RHOBTB2: variants seen among roughly 807,000 people sequenced by gnomAD.
RHOBTB2 encodes the protein rho-related BTB domain-containing protein 2.
Under a neutral mutation model 66.5 loss-of-function variants are expected in RHOBTB2, and 39 were observed. The observed-to-expected ratio is 0.59, with a 90% CI of 0.45 to 0.77. The LOEUF (loss-of-function observed/expected upper bound fraction) is 0.77. Ranked by LOEUF, RHOBTB2 falls within the 30% of genes least tolerant of loss-of-function variation. The pLI, the probability that RHOBTB2 is intolerant of heterozygous loss-of-function variation, is 0.00. For synonymous variants in RHOBTB2, 390 were observed against 395.0 expected (o/e 0.99, Z 0.15); for missense variants, 755 against 999.1 (o/e 0.76, Z 3.29).
the RHOBTB2 span, among the ~76,000 whole-genome samples, chr8:22,952,718 C>A: frequency 6.6e-6 from 1 of 152,068 alleles, no homozygotes; most frequent in Non-Finnish European, 1.5e-5. Context: ...CCAGCCTGAC[C>A]AATGTGGTGA....
chr8:23,004,929 T>G lies in RHOBTB2; in HGVS notation c.192+303T>G. 2.1e-6 allele frequency: 1 copy of G among 474,364 alleles called. No individual in the cohort carries two copies. Among genetic ancestry groups the G allele is most frequent in the Non-Finnish European group, 3.9e-6 (1 of 259,588 alleles). The allele number at this position is 474,364 out of a possible 1,614,324, so 29.4% of individuals were successfully genotyped here. On this transcript the variant is annotated intron_variant, in intron 2 of 9. Transcript: ENST00000251822. The surrounding 1 kb of genome is among the most constrained non-coding windows in gnomAD (Gnocchi z 6.4). ...TAAGTAATGGGGAGCACTGGAGGGC[T>G]GGGGCTTGGAAGAGATACAAGCTGA...
In RHOBTB2 at chr8:23,004,719, G is replaced by T. The variant is rs1046970541; in HGVS notation, c.192+93G>T. The T allele has an allele frequency of 1.7e-5, 22 of 1,268,226 alleles. No homozygotes were observed. In the Admixed American group the frequency reaches 4.4e-4, roughly 25 times the overall value. The allele number at this position is 1,268,226 out of a possible 1,614,324, so 78.6% of individuals were successfully genotyped here. A position where few individuals can be genotyped will look rare whatever the true frequency, so the allele number is the denominator to read the frequency against. Reference sequence around the variant, plus strand: ...ATAGCTTGGTGTCTCCAGAGCTCACGGGAGCCCTCTAGGGGTGGGACAGGA... The same window carrying T: ...ATAGCTTGGTGTCTCCAGAGCTCACTGGAGCCCTCTAGGGGTGGGACAGGA... On this transcript the variant is annotated intron_variant, in intron 2 of 9. Coordinates refer to ENST00000251822, the MANE Select transcript of RHOBTB2 (RefSeq NM_015178.3). The surrounding 1 kb of genome is among the most constrained non-coding windows in gnomAD (Gnocchi z 6.4).
Position 23,010,428 on chromosome 8 carries a change from G to A in RHOBTB2, c.1621-110G>A, listed in dbSNP as rs996824599. ...ACATGCAGCACAGGGAAGGCTGCCC[G>A]TCTGGGGGAGCCTGGGTGTGAGGGC... is the stretch of plus-strand genomic sequence containing the variant. On this transcript the variant is annotated intron_variant, in intron 6 of 9. Transcript: ENST00000251822. 48 of 1,282,910 alleles carry A rather than the reference G, an allele frequency of 3.7e-5. No homozygotes were observed. The African/African-American group carries it at 3.9e-4, about 10-fold the overall frequency. 79.5% of individuals were successfully genotyped at this position (1,282,910 alleles called of 1,614,324 possible).
chr8:23,010,486 T>G (rs1195930423), intron 6 of RHOBTB2, 52 bp from the exon 7 acceptor site: 1 of 1,573,182 alleles, frequency 6.4e-7, no homozygotes, highest in Middle Eastern at 1.7e-4. Context: ...GTTCAGTTCA[T>G]CTTCTCCTAA....
chr8:22,951,648 C>T, the RHOBTB2 span, among the ~76,000 whole-genome samples: 1 of 152,140 alleles, frequency 6.6e-6, no homozygotes, highest in Non-Finnish European at 1.5e-5. Context: ...TACAAAGAAA[C>T]TCCTTAAGGG....
intron 1 of RHOBTB2, among the ~76,000 whole-genome samples, chr8:22,989,501 T>C (rs986881374): frequency 1.2e-4 from 19 of 152,232 alleles, no homozygotes; most frequent in African/African-American, 4.3e-4. Flanking sequence ...GGGGTGCTTG[T>C]GGATGTGGCA....
chr8:22,999,147 C>A (rs1212003929), upstream of RHOBTB2: 5 of 152,438 alleles, frequency 3.3e-5, no homozygotes, highest in Non-Finnish European at 5.9e-5. Context: ...CCTACCCGGC[C>A]CCCGCCCCCC....
Position 23,019,232 on chromosome 8 carries a change from G to A in RHOBTB2, c.*1763G>A, listed in dbSNP as rs1265172722. ...TAACCTGAAACAAAGGTAGCAGGCAGGACCTAATGACCAGAGGTTAAATCC... is the reference window on the plus strand; with the variant it reads ...TAACCTGAAACAAAGGTAGCAGGCAAGACCTAATGACCAGAGGTTAAATCC... On this transcript the variant is annotated 3_prime_UTR_variant, in exon 10 of 10. Transcript: ENST00000251822. 1 of 152,402 alleles carries A rather than the reference G, an allele frequency of 6.6e-6. No individual in the cohort carries two copies. The highest frequency in any genetic ancestry group is 1.5e-5 in the Non-Finnish European group (1 of 68,176). 9.4% of individuals were successfully genotyped at this position (152,402 alleles called of 1,614,324 possible).
At chr8:22,976,152 T>A in the RHOBTB2 span, among the ~76,000 whole-genome samples, 81 of 151,110 alleles carry the variant, frequency 5.4e-4, no homozygotes, top group Non-Finnish European at 9.1e-4. Flanking sequence ...TCTCAAAAAA[T>A]AAATAAATAA....
chr8:22,993,391 C>T lies in RHOBTB2; in HGVS notation c.-23-1170C>T, dbSNP rs955418510. Among the ~76,000 whole-genome samples the T allele has an allele frequency of 3.9e-5, 6 of 152,216 alleles. No homozygotes were observed. The East Asian group carries it at 5.8e-4, about 15-fold the overall frequency. ...CTCCGTGCTGTCTGCCCTCCACACA[C>T]GGCCCAGATGGCAGAGGCACAAATG... On this transcript the variant is annotated intron_variant, in intron 2 of 11. Transcript: ENST00000519685.
Position 23,007,542 on chromosome 8 carries a change from C to G in RHOBTB2, c.1297C>G (p.Leu433Val). 6.2e-7 allele frequency: 1 copy of G among 1,614,220 alleles called. No individual in the cohort carries two copies. The highest frequency in any genetic ancestry group is 8.5e-7 in the Non-Finnish European group (1 of 1,180,036). ...PGPFRAVLKY[L>V]YTGELDENER... The stretch of plus-strand genomic sequence containing the variant: ...GCCCTTCCGGGCTGTCCTCAAGTAC[C>G]TGTACACGGGGGAGCTAGATGAGAA... Residue 433 changes from leucine (L) to valine (V), a missense_variant, in exon 5 of 10, where the codon CTG (leucine) becomes GTG (valine). Transcript: ENST00000251822.
the RHOBTB2 span, among the ~76,000 whole-genome samples, chr8:22,968,730 T>A: frequency 9.2e-5 from 14 of 152,010 alleles, no homozygotes; most frequent in Non-Finnish European, 1.8e-4. Context: ...AAATATTTAA[T>A]ATATGGTAAG....
At chr8:23,002,651 C>T (rs1020313603) in intron 1 of RHOBTB2, among the ~76,000 whole-genome samples, 2 of 152,194 alleles carry the variant, frequency 1.3e-5, no homozygotes, top group African/African-American at 4.8e-5. Flanking sequence ...GATCATGCCA[C>T]TGCACTCCAG....
rs775701039 is a variant in RHOBTB2 at position 23,007,252 on chromosome 8, G to A, written c.1007G>A (p.Arg336Gln). ...HHHHHHHHHG[R>Q]DFLLRAASFD... The stretch of plus-strand genomic sequence containing the variant: ...CACCATCACCACCACCACCATGGGC[G>A]AGACTTCCTGCTCCGAGCAGCCAGC... The change falls in exon 5 of 10, where the codon CGA becomes CAA. Residue 336 changes from arginine to glutamine, a missense_variant. This residue lies in a region of RHOBTB2 where 247 missense variants were observed against 238.9 expected (regional missense o/e 1.03). Transcript: ENST00000251822. 1.4e-5 allele frequency: 23 copies of A among 1,611,978 alleles called. No homozygotes were observed. Among genetic ancestry groups the A allele is most frequent in the Admixed American group, 8.3e-5 (5 of 59,952 alleles).
chr8:22,995,709 C>G (rs112400641), upstream of RHOBTB2: 4,310 of 747,402 alleles, frequency 5.8e-3, 136 homozygotes, highest in African/African-American at 0.066. Flanking sequence ...CTTGAAATGC[C>G]TCTGCTTTTG....
intron 1 of RHOBTB2, among the ~76,000 whole-genome samples, chr8:22,990,918 C>A (rs1810410046): frequency 6.6e-6 from 1 of 152,170 alleles, no homozygotes; most frequent in Non-Finnish European, 1.5e-5. Flanking sequence ...CCTGCCTCCC[C>A]CGACCTCAAT....
chr8:22,974,079 C>T, the RHOBTB2 span, among the ~76,000 whole-genome samples: 1 of 152,182 alleles, frequency 6.6e-6, no homozygotes, highest in African/African-American at 2.4e-5. Context: ...GAGGGGTGAC[C>T]TTGCTGTCCA....
the RHOBTB2 span, among the ~76,000 whole-genome samples, chr8:22,957,201 G>A: frequency 3.0e-4 from 45 of 152,216 alleles, no homozygotes; most frequent in African/African-American, 1.1e-3. Flanking sequence ...AGCTCTTCTC[G>A]GTGCTTCAGA....
chr8:23,014,809 G>A lies in RHOBTB2; in HGVS notation c.1860+31G>A, dbSNP rs1032547718. On this transcript the variant is annotated intron_variant, in intron 8 of 9. Coordinates refer to ENST00000251822, the MANE Select transcript of RHOBTB2 (RefSeq NM_015178.3). ...ATGGCAGGGGAGGGAATCTACAACAGTCTCAGTTCTACACTCTGCCTGCCC... is the reference window on the plus strand; with the variant it reads ...ATGGCAGGGGAGGGAATCTACAACAATCTCAGTTCTACACTCTGCCTGCCC... 15 of 1,563,672 alleles carry A rather than the reference G, an allele frequency of 9.6e-6. No homozygotes were observed. The African/African-American group carries it at 1.9e-4, about 20-fold the overall frequency.
Sources: allele counts gnomAD v4.1 joint callset (sites outside exome capture counted in the v4.1 genomes callset), GRCh38; gene constraint gnomAD v4.1.1; regional missense constraint gnomAD v4.1.1; non-coding constraint Gnocchi (gnomAD v3.1); transcripts MANE v1.5; gene names NCBI Gene and HGNC (gene_info 2026-07-23, HGNC 2026-07-21).